Variants in MAP4K5 observed in about 807,000 individuals in gnomAD.
MAP4K5 encodes mitogen-activated protein kinase kinase kinase kinase 5.
In MAP4K5, 82 loss-of-function variants were observed where a neutral mutation model predicts 135.6. The observed-to-expected ratio is 0.60, with a 90% CI of 0.51 to 0.73. MAP4K5 has a LOEUF of 0.73. Ranked by LOEUF, MAP4K5 falls within the 30% of genes least tolerant of loss-of-function variation. MAP4K5 has a pLI of 0.00. For synonymous variants in MAP4K5, 347 were observed against 335.0 expected (o/e 1.04, Z -0.39); for missense variants, 907 against 1,010.9 (o/e 0.90, Z 1.39).
intron 2 of MAP4K5, among the ~76,000 whole-genome samples, chr14:50,506,965 G>A (rs1049387340): frequency 1.3e-5 from 2 of 152,132 alleles, no homozygotes; most frequent in Admixed American, 6.6e-5. Flanking sequence ...AAAAGGCTAT[G>A]TGCACGTAGA....
chr14:50,552,669 T>C (rs914393894), intron 1 of MAP4K5, among the ~76,000 whole-genome samples: 2 of 152,178 alleles, frequency 1.3e-5, no homozygotes, highest in Non-Finnish European at 2.9e-5. Context: ...AATAGGCATG[T>C]AGACCAATGG....
At chr14:50,514,815 G>T (rs2037998905) in intron 2 of MAP4K5, among the ~76,000 whole-genome samples, 1 of 134,734 alleles carries the variant, frequency 7.4e-6, no homozygotes, top group African/African-American at 2.6e-5. Context: ...AGGGAATGGT[G>T]AAAGTTAAGA....
chr14:50,491,015 G>A lies in MAP4K5; in HGVS notation c.167-4821C>T, dbSNP rs182279329. ...CTGGAGTAAGTCGGTTGCACCCCTC[G>A]TGTATAAGGGTCCTCTGCATTACAT... On this transcript the variant is annotated intron_variant, in intron 3 of 32. Coordinates refer to ENST00000682126, the MANE Select transcript of MAP4K5 (RefSeq NM_006575.6). Among the ~76,000 whole-genome samples, 39 of 152,214 alleles carry A rather than the reference G, an allele frequency of 2.6e-4. 1 individual carries two copies. Among genetic ancestry groups the A allele is most frequent in the Admixed American group, 1.0e-3 (16 of 15,290 alleles).
chr14:50,436,641 A>G (rs1477334878), intron 26 of MAP4K5, among the ~76,000 whole-genome samples: 2 of 152,092 alleles, frequency 1.3e-5, no homozygotes, highest in African/African-American at 2.4e-5. Flanking sequence ...TGAGATCAGC[A>G]AGGTGGTCAA....
At chr14:50,433,102 G>A (rs939625050) in intron 28 of MAP4K5, among the ~76,000 whole-genome samples, 5 of 152,188 alleles carry the variant, frequency 3.3e-5, no homozygotes, top group African/African-American at 1.2e-4. Flanking sequence ...CTCCCAAAGT[G>A]CTGGGATTAT....
chr14:50,521,332 T>G (rs2038147441), intron 2 of MAP4K5, among the ~76,000 whole-genome samples: 6 of 152,204 alleles, frequency 3.9e-5, no homozygotes. Context: ...ATATGTATAG[T>G]GCCTACAGCA....
In MAP4K5 at chr14:50,423,142, A is replaced by G; in HGVS notation, c.2432T>C (p.Phe811Ser). ...TQEISDETRV[F>S]RLLGSDRVVV... Reference sequence around the variant, plus strand: ...TTACCTGTCTGATCCTAATAAGCGGAAAACTCTTGTTTCATCTGAAATCTC... The same window carrying G: ...TTACCTGTCTGATCCTAATAAGCGGGAAACTCTTGTTTCATCTGAAATCTC... Residue 811 changes from phenylalanine to serine, a missense_variant, in exon 32 of 33, where the codon TTC becomes TCC. By Grantham distance (155) the Phe-to-Ser change is radical (BLOSUM62 -2). Coordinates refer to ENST00000682126, the MANE Select transcript of MAP4K5 (RefSeq NM_006575.6). 6.3e-7 allele frequency: 1 copy of G among 1,575,590 alleles called. No homozygotes were observed. The highest frequency in any genetic ancestry group is 8.7e-7 in the Non-Finnish European group (1 of 1,150,072).
intron 30 of MAP4K5, among the ~76,000 whole-genome samples, chr14:50,428,459 T>C (rs973386881): frequency 6.6e-6 from 1 of 152,148 alleles, no homozygotes; most frequent in Non-Finnish European, 1.5e-5. Context: ...TTTCTCTCCA[T>C]GTTGGCCAGG....
intron 2 of MAP4K5, among the ~76,000 whole-genome samples, chr14:50,537,933 A>G (rs1023918779): frequency 6.6e-6 from 1 of 152,098 alleles, no homozygotes; most frequent in Non-Finnish European, 1.5e-5. Flanking sequence ...TGGACTTTTG[A>G]GTTAATGCTG....
Position 50,508,489 on chromosome 14 carries a change from TCTCA to T in MAP4K5, c.109-3636_109-3633del, listed in dbSNP as rs1024151109. On this transcript the variant is annotated intron_variant, in intron 2 of 32. Transcript: ENST00000682126. The stretch of plus-strand genomic sequence containing the variant: ...GGACAGAAAACCAAACACCACATGT[TCTCA>T]CTCATAGGTGGGAATTGAACAATGA... Among the ~76,000 whole-genome samples the T allele has an allele frequency of 2.3e-4, 35 of 151,758 alleles. 1 individual carries two copies. Among genetic ancestry groups the T allele is most frequent in the Non-Finnish European group, 7.4e-5 (5 of 67,940 alleles).
At chr14:50,524,015 C>A (rs552584182) in intron 2 of MAP4K5, among the ~76,000 whole-genome samples, 24 of 152,298 alleles carry the variant, frequency 1.6e-4, no homozygotes, top group African/African-American at 5.8e-4. Context: ...CTACTCTAGT[C>A]CCTAAAAATC....
At chr14:50,549,335 C>T (rs2038673621) in intron 1 of MAP4K5, among the ~76,000 whole-genome samples, 1 of 152,206 alleles carries the variant, frequency 6.6e-6, no homozygotes, top group African/African-American at 2.4e-5. Flanking sequence ...CAGCAGGCAT[C>T]TCCATCCTCT....
At chr14:50,538,421 A>G (rs1463863044) in intron 2 of MAP4K5, among the ~76,000 whole-genome samples, 1 of 152,208 alleles carries the variant, frequency 6.6e-6, no homozygotes, top group Non-Finnish European at 1.5e-5. Context: ...TTATCGTCAG[A>G]GTGGTTTTAA....
chr14:50,433,678 A>G (rs1225465782), intron 28 of MAP4K5, among the ~76,000 whole-genome samples: 3 of 152,252 alleles, frequency 2.0e-5, no homozygotes, highest in African/African-American at 4.8e-5. Flanking sequence ...TTCAAAAGGC[A>G]GTAAAGAATA....
chr14:50,496,159 T>C (rs1250518788), intron 3 of MAP4K5, among the ~76,000 whole-genome samples: 1 of 151,840 alleles, frequency 6.6e-6, no homozygotes. Flanking sequence ...ACCCTGTCTC[T>C]ACCAAAAACA....
intron 2 of MAP4K5, among the ~76,000 whole-genome samples, chr14:50,528,306 AG>A (rs1456214969): frequency 1.3e-5 from 2 of 151,124 alleles, no homozygotes; most frequent in Admixed American, 1.3e-4. Context: ...GAAGCTTCAG[AG>A]GGGATCTGTG....
In MAP4K5 at chr14:50,512,777, C is replaced by T. The variant is rs146225367; in HGVS notation, c.109-7920G>A. On this transcript the variant is annotated intron_variant, in intron 2 of 32. Transcript: ENST00000682126. ...TCAGAAATTTAACTATACAAATTCG[C>T]GCTATAATCCAAAAGAGTTTTGGAG... Among the ~76,000 whole-genome samples the T allele has an allele frequency of 5.5e-4, 83 of 152,220 alleles. 2 individuals carry two copies. In the East Asian group the frequency reaches 0.014, roughly 25 times the overall value.
intron 6 of MAP4K5, among the ~76,000 whole-genome samples, chr14:50,477,024 C>T (rs2037116828): frequency 6.6e-6 from 1 of 152,266 alleles, no homozygotes; most frequent in South Asian, 2.1e-4. Context: ...TAATAAAAAG[C>T]CTCCTCAAAT....
intron 1 of MAP4K5, among the ~76,000 whole-genome samples, chr14:50,552,178 A>C (rs1417931654): frequency 6.6e-6 from 1 of 152,260 alleles, no homozygotes; most frequent in African/African-American, 2.4e-5. Flanking sequence ...ATACAAAATC[A>C]ATGTACACAA....
Sources: gnomAD v4.1 joint callset for allele counts (sites outside exome capture counted in the v4.1 genomes callset) on GRCh38, gnomAD v4.1.1 for gene constraint, MANE v1.5 for transcripts, NCBI Gene and HGNC (gene_info 2026-07-23, HGNC 2026-07-21) for gene names.